CDK13: variants seen among roughly 807,000 people sequenced by gnomAD.
The protein encoded by CDK13 is cyclin dependent kinase 13, also known as cyclin-dependent kinase 13.
In CDK13, 40 loss-of-function variants were observed where a neutral mutation model predicts 137.6. The observed-to-expected ratio is 0.29, with a 90% CI of 0.23 to 0.38. The LOEUF (loss-of-function observed/expected upper bound fraction) is 0.38, where lower values mean the gene tolerates loss of function less well. CDK13 is among the 10% of genes least tolerant of loss of function. The probability of loss-of-function intolerance (pLI) is 1.00; values close to 1 mark genes in which losing one functional copy is unlikely to be tolerated. For missense variants in CDK13, 1,704 were observed against 1,951.8 expected, an observed-to-expected ratio of 0.87 and a Z score of 2.39; for synonymous variants, 869 against 760.1, an observed-to-expected ratio of 1.14 and a Z score of -2.36.
chr7:39,963,126 T>C (rs909692890), intron 1 of CDK13, among the ~76,000 whole-genome samples: 6 of 152,206 alleles, frequency 3.9e-5, no homozygotes, highest in Non-Finnish European at 7.3e-5. Flanking sequence ...TGGTTCCATA[T>C]GAACTTTAAA....
Position 39,951,517 on chromosome 7 carries a change from C to G in CDK13, c.876C>G (p.Ala292=). Residue 292 remains alanine, a synonymous_variant, in exon 1 of 14, where the codon GCC becomes GCG. Transcript: ENST00000181839. ...RTKSSKEPPS[A]YKEPPKAYRE... Reference sequence around the variant, plus strand: ...AGTCGTCCAAGGAGCCGCCTTCGGCCTACAAGGAACCGCCCAAGGCCTACC... The same window carrying G: ...AGTCGTCCAAGGAGCCGCCTTCGGCGTACAAGGAACCGCCCAAGGCCTACC... 1 of 1,534,736 alleles carries G rather than the reference C, an allele frequency of 6.5e-7. No individual in the cohort carries two copies. The highest frequency in any genetic ancestry group is 2.6e-5 in the East Asian group (1 of 38,740).
chr7:40,094,326 T>C lies in CDK13; in HGVS notation c.3885T>C (p.His1295=), dbSNP rs1322101450. The C allele has an allele frequency of 6.2e-7, 1 of 1,613,584 alleles. No individual in the cohort carries two copies. The highest frequency in any genetic ancestry group is 1.3e-5 in the African/African-American group (1 of 74,872). The change falls in exon 14 of 14, where the codon CAT becomes CAC. Residue 1295 remains histidine (H), a synonymous_variant. Transcript: ENST00000181839. ...PTTSSSLTDP[H]AGVKAALLQL... ...CCAGTTCTTCATTAACTGACCCTCA[T>C]GCCGGAGTGAAGGCAGCCCTGTTAC...
chr7:40,041,336 A>G (rs889909018), intron 5 of CDK13, among the ~76,000 whole-genome samples: 3 of 152,314 alleles, frequency 2.0e-5, no homozygotes, highest in South Asian at 4.1e-4. Context: ...AAAAAAACCA[A>G]CTAAACAAAT....
At chr7:40,006,186 G>C (rs923926649) in intron 5 of CDK13, among the ~76,000 whole-genome samples, 1 of 152,130 alleles carries the variant, frequency 6.6e-6, no homozygotes, top group Non-Finnish European at 1.5e-5. Flanking sequence ...TGTTAGCAAG[G>C]TGGGGTTTTG....
chr7:40,047,975 A>G lies in CDK13; in HGVS notation c.2600+98A>G, dbSNP rs960949406. 9.0e-6 allele frequency: 7 copies of G among 781,934 alleles called. No individual in the cohort carries two copies. The African/African-American group carries it at 1.0e-4, about 11-fold the overall frequency. The allele number at this position is 781,934 out of a possible 1,614,324, so 48.4% of individuals were successfully genotyped here. A position where few individuals can be genotyped will look rare whatever the true frequency, so the allele number is the denominator to read the frequency against. ...TGATAGTTTTATTTTTTAAAAGAGA[A>G]GTTTACTTTTCATGGTTAGTACATA... On this transcript the variant is annotated intron_variant, in intron 7 of 13. Coordinates refer to ENST00000181839, the MANE Select transcript of CDK13 (RefSeq NM_003718.5).
intron 4 of CDK13, among the ~76,000 whole-genome samples, chr7:40,001,058 C>G (rs1437697298): frequency 6.6e-6 from 1 of 151,970 alleles, no homozygotes; most frequent in Non-Finnish European, 1.5e-5. Flanking sequence ...CAGGTTTGGT[C>G]AAGTAATATG....
At chr7:40,063,907 G>C (rs962914527) in intron 9 of CDK13, among the ~76,000 whole-genome samples, 1 of 151,386 alleles carries the variant, frequency 6.6e-6, no homozygotes, top group Non-Finnish European at 1.5e-5. Flanking sequence ...ACTGCCCCCC[G>C]CCTCGTTCTC....
intron 5 of CDK13, among the ~76,000 whole-genome samples, chr7:40,042,751 A>T (rs544395364): frequency 6.0e-5 from 9 of 149,600 alleles, no homozygotes; most frequent in Non-Finnish European, 1.0e-4. Flanking sequence ...AAGTGTTGGG[A>T]TTACAGGTGT....
intron 13 of CDK13, 108 bp downstream of exon 13, chr7:40,093,345 C>T: frequency 1.1e-6 from 1 of 894,674 alleles, no homozygotes; most frequent in Non-Finnish European, 1.7e-6. Context: ...AAAAGATGTC[C>T]TGAAGAATCT....
chr7:40,028,139 T>A (rs1234674002), intron 5 of CDK13, among the ~76,000 whole-genome samples: 1 of 151,950 alleles, frequency 6.6e-6, no homozygotes, highest in Non-Finnish European at 1.5e-5. Flanking sequence ...GGTCGTTCTC[T>A]TGTTGATCAG....
rs369902859 is a variant in CDK13, at chr7:39,995,843, A to G, written c.1872-1651A>G. On this transcript the variant is annotated intron_variant, in intron 2 of 13. Transcript: ENST00000181839. ...GCCAACATGGTGAAACCCCATCTCT[A>G]CTAGAAATACAAAAAAATTAGCCGG... Among the ~76,000 whole-genome samples, 5 of 152,250 alleles carry G rather than the reference A, an allele frequency of 3.3e-5. No individual in the cohort carries two copies. The East Asian group carries it at 9.7e-4, about 29-fold the overall frequency.
In CDK13 at chr7:39,952,930, C is replaced by T. The variant is rs151132698; in HGVS notation, c.1211+1078C>T. 1.4e-4 allele frequency: 22 copies of T among 152,246 alleles called. No individual in the cohort carries two copies. In the East Asian group the frequency reaches 4.1e-3, roughly 28 times the overall value. The allele number at this position is 152,246 out of a possible 1,614,324, so 9.4% of individuals were successfully genotyped here. A position where few individuals can be genotyped will look rare whatever the true frequency, so the allele number is the denominator to read the frequency against. The stretch of plus-strand genomic sequence containing the variant: ...ACAACTTTCGAGTATTTTATGGGTT[C>T]TTATATTCCTTGAGATGTTTGGACA... On this transcript the variant is annotated intron_variant, in intron 1 of 13. Transcript: ENST00000181839.
intron 2 of CDK13, among the ~76,000 whole-genome samples, chr7:39,991,203 C>T (rs979759206): frequency 2.0e-5 from 3 of 152,006 alleles, no homozygotes; most frequent in African/African-American, 7.3e-5. Flanking sequence ...TTTTGCTGAA[C>T]AGCTATTAGT....
In CDK13 at chr7:39,950,817, T is replaced by C. The variant is rs1787134381; in HGVS notation, c.176T>C (p.Leu59Pro). 4.2e-6 allele frequency: 6 copies of C among 1,433,346 alleles called. No individual in the cohort carries two copies. Among genetic ancestry groups the C allele is most frequent in the Non-Finnish European group, 5.4e-6 (6 of 1,101,844 alleles). 88.8% of individuals were successfully genotyped at this position (1,433,346 alleles called of 1,614,324 possible). The change falls in exon 1 of 14, where the codon CTC becomes CCC. Residue 59 changes from leucine (L) to proline (P), a missense_variant. Transcript: ENST00000181839. ...LQPPPPPPPL[L>P]FLAAPGTAAA... is the part of the protein sequence containing the mutation. Reference sequence around the variant, plus strand: ...CCGCCGCCGCCCCCGCCGCCTCTGCTCTTCCTGGCTGCTCCCGGCACGGCC... The same window carrying C: ...CCGCCGCCGCCCCCGCCGCCTCTGCCCTTCCTGGCTGCTCCCGGCACGGCC...
chr7:39,983,275 G>A (rs1194740926), intron 1 of CDK13, among the ~76,000 whole-genome samples: 3 of 152,100 alleles, frequency 2.0e-5, no homozygotes, highest in African/African-American at 4.8e-5. Flanking sequence ...ATTAAATAGG[G>A]AATCCTTTCC....
intron 6 of CDK13, among the ~76,000 whole-genome samples, chr7:40,047,138 T>G (rs1304783174): frequency 6.6e-6 from 1 of 152,164 alleles, no homozygotes; most frequent in Non-Finnish European, 1.5e-5. Flanking sequence ...GCAATGTAAC[T>G]TCAGCTTTAG....
chr7:40,064,113 T>C (rs1020473101), intron 9 of CDK13, among the ~76,000 whole-genome samples: 1 of 151,844 alleles, frequency 6.6e-6, no homozygotes, highest in African/African-American at 2.4e-5. Flanking sequence ...GGAGAAACCC[T>C]GTCTCTACTA....
chr7:40,080,905 T>C (rs1023391937), intron 11 of CDK13, among the ~76,000 whole-genome samples: 12 of 152,322 alleles, frequency 7.9e-5, no homozygotes, highest in Non-Finnish European at 1.5e-5. Flanking sequence ...TCTACATGCA[T>C]ACCATATAAA....
At chr7:39,980,532 G>C (rs1199657736) in intron 1 of CDK13, among the ~76,000 whole-genome samples, 8 of 152,076 alleles carry the variant, frequency 5.3e-5, no homozygotes, top group Admixed American at 5.2e-4. Flanking sequence ...TTTTTGGGGG[G>C]GTTAATAAGT....
Sources: gnomAD v4.1 joint callset for allele counts (sites outside exome capture counted in the v4.1 genomes callset) on GRCh38, gnomAD v4.1.1 for gene constraint, MANE v1.5 for transcripts, NCBI Gene and HGNC (gene_info 2026-07-23, HGNC 2026-07-21) for gene names.